Variants in CHRM3 observed in about 807,000 individuals in gnomAD.
CHRM3 encodes muscarinic acetylcholine receptor M3.
CHRM3 carries 11 observed loss-of-function variants against 41.8 expected under a neutral mutation model. The ratio of observed to expected loss-of-function variants is 0.26; its 90% confidence interval spans 0.17 to 0.44. CHRM3 has a LOEUF of 0.44. CHRM3 is among the 20% of genes least tolerant of loss of function. The probability of loss-of-function intolerance (pLI) is 1.00; values close to 1 mark genes in which losing one functional copy is unlikely to be tolerated. For synonymous variants in CHRM3, 297 were observed against 301.4 expected (o/e 0.99, Z 0.15); for missense variants, 571 against 745.4 (o/e 0.77, Z 2.72).
intron 5 of CHRM3, among the ~76,000 whole-genome samples, chr1:239,821,449 A>G (rs1033989877): frequency 7.2e-5 from 11 of 152,148 alleles, no homozygotes; most frequent in Admixed American, 2.0e-4. Context: ...CACATCCACT[A>G]TCAGGATATT....
chr1:239,845,749 A>G (rs1572471291), intron 6 of CHRM3, among the ~76,000 whole-genome samples: 3 of 152,266 alleles, frequency 2.0e-5, no homozygotes, highest in East Asian at 1.9e-4. Context: ...TAGGTCTTGC[A>G]TACCGAATTA....
chr1:239,743,449 A>C (rs1284799765), intron 5 of CHRM3, among the ~76,000 whole-genome samples: 2 of 152,234 alleles, frequency 1.3e-5, no homozygotes, highest in Non-Finnish European at 1.5e-5. Context: ...TGGCCTGAGC[A>C]TGAGAGTCCT....
At chr1:239,814,172 A>ATTG (rs1320338684) in intron 5 of CHRM3, among the ~76,000 whole-genome samples, 2 of 152,188 alleles carry the variant, frequency 1.3e-5, no homozygotes, top group Non-Finnish European at 2.9e-5. Context: ...GAGAAGTCAA[A>ATTG]TTGTTAATTT....
intron 1 of CHRM3, among the ~76,000 whole-genome samples, chr1:239,486,313 T>C (rs1667178175): frequency 6.6e-6 from 1 of 152,232 alleles, no homozygotes; most frequent in Non-Finnish European, 1.5e-5. Flanking sequence ...TGCTTGGTCT[T>C]CATTTATCAT....
At chr1:239,493,190 C>T (rs965003236) in intron 2 of CHRM3, among the ~76,000 whole-genome samples, 2 of 152,148 alleles carry the variant, frequency 1.3e-5, no homozygotes, top group Non-Finnish European at 2.9e-5. Context: ...TGATGAAATA[C>T]TAGAAATATA....
intron 1 of CHRM3, among the ~76,000 whole-genome samples, chr1:239,450,113 A>T (rs1172834436): frequency 1.3e-5 from 2 of 152,134 alleles, no homozygotes. Context: ...TCCCCGTGAG[A>T]GTCTTGTTAC....
chr1:239,578,900 A>C lies in CHRM3; in HGVS notation c.-313+33151A>C, dbSNP rs186169535. 4.4e-3 allele frequency among the ~76,000 whole-genome samples: 672 copies of C among 152,282 alleles called. 6 individuals carry two copies. Among genetic ancestry groups the C allele is most frequent in the African/African-American group, 0.016 (648 of 41,572 alleles). Reference sequence around the variant, plus strand: ...ATTGCTGGACCATTAAGAACCATTCATCTGCACCATTGCCCAAGTTCAGAA... The same window carrying C: ...ATTGCTGGACCATTAAGAACCATTCCTCTGCACCATTGCCCAAGTTCAGAA... On this transcript the variant is annotated intron_variant, in intron 3 of 6. Coordinates refer to ENST00000676153, the MANE Select transcript of CHRM3 (RefSeq NM_001375978.1).
At chr1:239,495,673 G>A (rs1290213288) in intron 2 of CHRM3, among the ~76,000 whole-genome samples, 1 of 152,104 alleles carries the variant, frequency 6.6e-6, no homozygotes, top group African/African-American at 2.4e-5. Context: ...ACTTAAAACA[G>A]TCAGCTTGGC....
chr1:239,408,845 C>G (rs544616093), intron 1 of CHRM3, among the ~76,000 whole-genome samples: 1 of 150,974 alleles, frequency 6.6e-6, no homozygotes, highest in Non-Finnish European at 1.5e-5. Context: ...TGGTCCTAAA[C>G]TCCTGGACTC....
intron 1 of CHRM3, among the ~76,000 whole-genome samples, chr1:239,446,103 A>ATT (rs1421330846): frequency 3.3e-5 from 5 of 151,962 alleles, no homozygotes; most frequent in Non-Finnish European, 7.4e-5. Flanking sequence ...CACCCGGCTA[A>ATT]TTTTTGTATT....
chr1:239,906,908 A>G (rs533280016), intron 6 of CHRM3, among the ~76,000 whole-genome samples: 1 of 152,296 alleles, frequency 6.6e-6, no homozygotes, highest in African/African-American at 2.4e-5. Context: ...GAATTGATTT[A>G]CATTGGTTTT....
intron 3 of CHRM3, among the ~76,000 whole-genome samples, chr1:239,595,919 T>G (rs1664723849): frequency 6.6e-6 from 1 of 152,194 alleles, no homozygotes; most frequent in African/African-American, 2.4e-5. Context: ...TATGTTGTTA[T>G]TTTTAGAAGA....
chr1:239,752,528 A>G (rs182552212), intron 5 of CHRM3, among the ~76,000 whole-genome samples: 1 of 152,348 alleles, frequency 6.6e-6, no homozygotes, highest in Non-Finnish European at 1.5e-5. Flanking sequence ...TCAATGTTAT[A>G]GAATTACATA....
intron 3 of CHRM3, among the ~76,000 whole-genome samples, chr1:239,558,635 G>T (rs367760316): frequency 1.4e-4 from 22 of 152,114 alleles, no homozygotes; most frequent in African/African-American, 4.8e-4. Flanking sequence ...CGGAACTTGG[G>T]CAGCATCCTC....
intron 5 of CHRM3, among the ~76,000 whole-genome samples, chr1:239,679,032 G>GATAT (rs1658294484): frequency 7.3e-6 from 1 of 137,020 alleles, no homozygotes. Flanking sequence ...TAGATGGATA[G>GATAT]ATAGATAGAT....
At chr1:239,404,731 T>TAA (rs1435219705) in intron 1 of CHRM3, among the ~76,000 whole-genome samples, 1 of 125,176 alleles carries the variant, frequency 8.0e-6, no homozygotes, top group African/African-American at 3.3e-5. Context: ...TATATATATA[T>TAA]ATATATATAT....
chr1:239,446,074 C>T (rs764912996), intron 1 of CHRM3, among the ~76,000 whole-genome samples: 10 of 152,042 alleles, frequency 6.6e-5, no homozygotes, highest in Non-Finnish European at 1.0e-4. Context: ...GTAGCTGGAA[C>T]TACAGGTGTG....
At chr1:239,579,762 T>C (rs937352183) in intron 3 of CHRM3, among the ~76,000 whole-genome samples, 1 of 152,208 alleles carries the variant, frequency 6.6e-6, no homozygotes, top group Non-Finnish European at 1.5e-5. Context: ...TAGTACTCAC[T>C]GTATGGCAGG....
intron 6 of CHRM3, among the ~76,000 whole-genome samples, chr1:239,839,742 A>G (rs1673623838): frequency 6.7e-6 from 1 of 150,060 alleles, no homozygotes; most frequent in Non-Finnish European, 1.5e-5. Flanking sequence ...TGACATACAA[A>G]GAGACCAACC....
Sources: allele counts gnomAD v4.1 joint callset (sites outside exome capture counted in the v4.1 genomes callset), GRCh38; gene constraint gnomAD v4.1.1; transcripts MANE v1.5; gene names NCBI Gene and HGNC (gene_info 2026-07-23, HGNC 2026-07-21).